Variants in SCAF4 observed in about 807,000 individuals in gnomAD.
SCAF4 encodes SR-related CTD associated factor 4, also known as SR-related and CTD-associated factor 4.
Under a neutral mutation model 129.8 loss-of-function variants are expected in SCAF4, and 25 were observed. The observed-to-expected ratio is 0.19, with a 90% CI of 0.14 to 0.27. The LOEUF is 0.27. Among genes scored for constraint, SCAF4 ranks in the 10% least tolerant of loss-of-function variants. The pLI, the probability that SCAF4 is intolerant of heterozygous loss-of-function variation, is 1.00. For missense variants in SCAF4, 1,246 were observed against 1,457.1 expected (o/e 0.86, Z 2.36); for synonymous variants, 551 against 497.7 (o/e 1.11, Z -1.43).
intron 1 of SCAF4, among the ~76,000 whole-genome samples, chr21:31,710,920 A>G (rs924529094): frequency 6.6e-6 from 1 of 152,210 alleles, no homozygotes; most frequent in African/African-American, 2.4e-5. Context: ...TTCGTATATA[A>G]AAAGGAGACA....
chr21:31,723,609 GA>G (rs1243184960), intron 1 of SCAF4, among the ~76,000 whole-genome samples: 28 of 146,126 alleles, frequency 1.9e-4, no homozygotes, highest in African/African-American at 6.0e-4. Context: ...TGATTTATAT[GA>G]TGTGTGTGTG....
chr21:31,687,077 C>T (rs2123507513), intron 16 of SCAF4, among the ~76,000 whole-genome samples: 1 of 152,210 alleles, frequency 6.6e-6, no homozygotes, highest in Admixed American at 6.5e-5. Flanking sequence ...AAATCACAGC[C>T]AAGAATGTAC....
At chr21:31,699,116 T>A (rs1216310407) in intron 7 of SCAF4, among the ~76,000 whole-genome samples, 1 of 152,038 alleles carries the variant, frequency 6.6e-6, no homozygotes, top group Non-Finnish European at 1.5e-5. Context: ...GATGCAGAAA[T>A]AAACAAATAT....
intron 1 of SCAF4, among the ~76,000 whole-genome samples, chr21:31,723,673 G>A (rs1286816932): frequency 2.7e-5 from 4 of 150,438 alleles, no homozygotes; most frequent in Non-Finnish European, 5.9e-5. Flanking sequence ...TTTCTTTCTG[G>A]CCATTTCCAT....
intron 1 of SCAF4, among the ~76,000 whole-genome samples, chr21:31,723,621 TGTGTGTGTGCGCGC>T (rs2051127910): frequency 7.0e-6 from 1 of 142,276 alleles, no homozygotes; most frequent in Non-Finnish European, 1.6e-5. Context: ...TGTGTGTGTG[TGTGTGTGTGCGCGC>T]GCGCGCGCGC....
chr21:31,723,370 T>C (rs1364050551), intron 1 of SCAF4, among the ~76,000 whole-genome samples: 1 of 151,882 alleles, frequency 6.6e-6, no homozygotes, highest in African/African-American at 2.4e-5. Context: ...GGAGAATTGC[T>C]TGAACCCAGG....
chr21:31,711,085 T>C (rs568015037), intron 1 of SCAF4, among the ~76,000 whole-genome samples: 6 of 152,302 alleles, frequency 3.9e-5, no homozygotes, highest in Non-Finnish European at 7.4e-5. Flanking sequence ...GCTGGAACTA[T>C]AGGCATGTGC....
chr21:31,710,335 G>C (rs191935370), intron 1 of SCAF4, among the ~76,000 whole-genome samples: 2 of 152,148 alleles, frequency 1.3e-5, no homozygotes, highest in Non-Finnish European at 2.9e-5. Flanking sequence ...GATCACCTGA[G>C]GTCAGGAGTT....
At chr21:31,692,504 G>T in intron 12 of SCAF4, 55 bp from the exon 13 acceptor site, 1 of 1,150,536 alleles carries the variant, frequency 8.7e-7, no homozygotes, top group Non-Finnish European at 1.3e-6. Flanking sequence ...GAGCAGCACT[G>T]TAGCTTACAT....
At chr21:31,719,741 T>C (rs1189006685) in intron 1 of SCAF4, among the ~76,000 whole-genome samples, 1 of 152,108 alleles carries the variant, frequency 6.6e-6, no homozygotes, top group African/African-American at 2.4e-5. Context: ...TGACCTCAGG[T>C]GATCTGCCTG....
At chr21:31,697,752 G>C (rs960317753) in intron 7 of SCAF4, among the ~76,000 whole-genome samples, 1 of 152,198 alleles carries the variant, frequency 6.6e-6, no homozygotes, top group Non-Finnish European at 1.5e-5. Flanking sequence ...CAAATGAAAA[G>C]TTCTGTCCTT....
At chr21:31,727,470 T>G (rs570509117) in intron 1 of SCAF4, among the ~76,000 whole-genome samples, 2 of 152,212 alleles carry the variant, frequency 1.3e-5, no homozygotes, top group Non-Finnish European at 2.9e-5. Context: ...GCAAGATGGG[T>G]TAAAGACTAA....
intron 7 of SCAF4, among the ~76,000 whole-genome samples, chr21:31,697,111 A>G (rs2050406507): frequency 6.6e-6 from 1 of 152,188 alleles, no homozygotes; most frequent in African/African-American, 2.4e-5. Context: ...ATGGGTATAC[A>G]TTTTCAGTCA....
chr21:31,707,016 T>A (rs1223414670), intron 1 of SCAF4, among the ~76,000 whole-genome samples: 1 of 152,224 alleles, frequency 6.6e-6, no homozygotes, highest in Non-Finnish European at 1.5e-5. Flanking sequence ...ATTTTTTATG[T>A]ATAAATGCTT....
At chr21:31,702,590 G>A (rs1211089673) in intron 4 of SCAF4, among the ~76,000 whole-genome samples, 2 of 151,790 alleles carry the variant, frequency 1.3e-5, no homozygotes, top group Non-Finnish European at 2.9e-5. Flanking sequence ...GAACAGAGAT[G>A]GACTATAGAC....
At chr21:31,690,758 A>G in intron 15 of SCAF4, 39 bp downstream of exon 15, 1 of 1,578,642 alleles carries the variant, frequency 6.3e-7, no homozygotes. Flanking sequence ...ACTACCAAGC[A>G]AATAAGTGAA....
chr21:31,700,111 C>A (rs1459998325), intron 7 of SCAF4, among the ~76,000 whole-genome samples: 3 of 151,856 alleles, frequency 2.0e-5, no homozygotes, highest in South Asian at 4.1e-4. Context: ...CAGGTGCACA[C>A]CACCATACCC....
At chr21:31,695,008 TAATAGCTATCAA>T in intron 9 of SCAF4, 28 bp from the exon 10 acceptor site, 1 of 1,564,658 alleles carries the variant, frequency 6.4e-7, no homozygotes, top group Non-Finnish European at 8.7e-7. Flanking sequence ...AGTGTATGAG[TAATAGCTATCAA>T]AATAATTTGG....
chr21:31,680,047 C>A (rs1432318525), intron 19 of SCAF4, among the ~76,000 whole-genome samples: 2 of 152,156 alleles, frequency 1.3e-5, no homozygotes, highest in Admixed American at 6.5e-5. Flanking sequence ...ACCTGAAATT[C>A]TTTACAGCAA....
Sources: allele counts gnomAD v4.1 joint callset (sites outside exome capture counted in the v4.1 genomes callset), GRCh38; gene constraint gnomAD v4.1.1; transcripts MANE v1.5; gene names NCBI Gene and HGNC (gene_info 2026-07-23, HGNC 2026-07-21).